Variants in PLD5 observed in about 807,000 individuals in gnomAD.
The protein encoded by PLD5 is inactive phospholipase D5.
In PLD5, 36 loss-of-function variants were observed where a neutral mutation model predicts 61.1. The ratio of observed to expected loss-of-function variants is 0.59; its 90% CI spans 0.45 to 0.78. The LOEUF (loss-of-function observed/expected upper bound fraction) is 0.78, where lower values mean the gene tolerates loss of function less well. Ranked by LOEUF, PLD5 falls within the 30% of genes least tolerant of loss-of-function variation. The pLI is 0.00. For synonymous variants in PLD5, 243 were observed against 242.8 expected (o/e 1.00, Z -0.01); for missense variants, 515 against 644.4 (o/e 0.80, Z 2.17).
intron 4 of PLD5, among the ~76,000 whole-genome samples, chr1:242,257,081 TATC>T (rs796963719): frequency 4.2e-4 from 63 of 150,744 alleles, no homozygotes; most frequent in African/African-American, 1.4e-3. Flanking sequence ...TCTATCTATC[TATC>T]ATTTATCTAT....
intron 5 of PLD5, among the ~76,000 whole-genome samples, chr1:242,202,924 A>AG (rs1669073560): frequency 6.6e-6 from 1 of 152,082 alleles, no homozygotes; most frequent in African/African-American, 2.4e-5. Context: ...CAGGTGTGAG[A>AG]GGGGGTCTTT....
At chr1:242,274,080 T>C (rs1417328904) in intron 3 of PLD5, among the ~76,000 whole-genome samples, 1 of 152,068 alleles carries the variant, frequency 6.6e-6, no homozygotes, top group Non-Finnish European at 1.5e-5. Flanking sequence ...CCACAGGAAA[T>C]GAATATACAA....
intron 5 of PLD5, among the ~76,000 whole-genome samples, chr1:242,198,096 G>GAATC (rs1412512596): frequency 6.6e-6 from 1 of 152,036 alleles, no homozygotes; most frequent in African/African-American, 2.4e-5. Flanking sequence ...ATGAATGAAT[G>GAATC]AATGAATAAA....
intron 4 of PLD5, among the ~76,000 whole-genome samples, chr1:242,222,115 T>C (rs1224330411): frequency 1.3e-5 from 2 of 152,084 alleles, no homozygotes; most frequent in Non-Finnish European, 2.9e-5. Flanking sequence ...TGTTGTCCCA[T>C]GGCATCTTCT....
chr1:242,455,766 T>G (rs1408281916), intron 1 of PLD5, among the ~76,000 whole-genome samples: 1 of 152,206 alleles, frequency 6.6e-6, no homozygotes, highest in Non-Finnish European at 1.5e-5. Flanking sequence ...GTGTAAGGTG[T>G]CTTAAAGTCA....
chr1:242,356,159 G>T (rs1660739913), intron 1 of PLD5, among the ~76,000 whole-genome samples: 1 of 44,500 alleles, frequency 2.2e-5, no homozygotes, highest in Admixed American at 2.7e-4. Flanking sequence ...ATCCAATATT[G>T]AAAGTGATTA....
chr1:242,297,576 T>C (rs1369119424), intron 2 of PLD5, among the ~76,000 whole-genome samples: 1 of 150,432 alleles, frequency 6.6e-6, no homozygotes, highest in Non-Finnish European at 1.5e-5. Context: ...CAGCTAACCA[T>C]CACTTTTATA....
intron 5 of PLD5, among the ~76,000 whole-genome samples, chr1:242,157,258 C>A (rs1325025984): frequency 1.3e-5 from 2 of 152,102 alleles, no homozygotes; most frequent in African/African-American, 4.8e-5. Context: ...TTCGTCTAAC[C>A]TTTTCTCAAG....
intron 4 of PLD5, among the ~76,000 whole-genome samples, chr1:242,239,131 T>C (rs575531915): frequency 1.8e-4 from 28 of 152,340 alleles, no homozygotes; most frequent in Non-Finnish European, 3.4e-4. Flanking sequence ...ATTTCTCCCG[T>C]TGGGTTATAA....
At chr1:242,529,842 CTCCT>C in the PLD5 span, among the ~76,000 whole-genome samples, 1,461 of 140,722 alleles carry the variant, frequency 0.01, 27 homozygotes, top group African/African-American at 0.038. Flanking sequence ...CTCTCCCTCC[CTCCT>C]TCCTTCCTTC....
intron 3 of PLD5, among the ~76,000 whole-genome samples, chr1:242,270,993 G>A (rs2149111835): frequency 6.6e-6 from 1 of 152,222 alleles, no homozygotes; most frequent in South Asian, 2.1e-4. Context: ...TCCTGGAGAA[G>A]ATGGAAGTTA....
chr1:242,184,176 A>G (rs1667722955), intron 5 of PLD5, among the ~76,000 whole-genome samples: 1 of 152,130 alleles, frequency 6.6e-6, no homozygotes, highest in Non-Finnish European at 1.5e-5. Flanking sequence ...GTTACAGCAA[A>G]CACCAAAATC....
chr1:242,414,542 G>A (rs1664721008), intron 1 of PLD5, among the ~76,000 whole-genome samples: 1 of 152,138 alleles, frequency 6.6e-6, no homozygotes, highest in Non-Finnish European at 1.5e-5. Flanking sequence ...TGAGGGAAAG[G>A]AAAGATTAGA....
intron 9 of PLD5, 118 bp downstream of exon 9, chr1:242,100,550 T>C: frequency 2.9e-6 from 2 of 700,436 alleles, no homozygotes; most frequent in Non-Finnish European, 5.0e-6. Context: ...TTTCCCCTCA[T>C]TCACCAGCAG....
intron 9 of PLD5, among the ~76,000 whole-genome samples, chr1:242,097,110 C>T (rs895023390): frequency 3.7e-4 from 56 of 152,252 alleles, no homozygotes; most frequent in Non-Finnish European, 4.9e-4. Context: ...TAGCATTCCA[C>T]GGTGTATATG....
intron 6 of PLD5, among the ~76,000 whole-genome samples, chr1:242,122,553 T>G (rs1662466092): frequency 6.6e-6 from 1 of 152,202 alleles, no homozygotes; most frequent in South Asian, 2.1e-4. Context: ...ATCCACAAAT[T>G]AGGAATACTC....
At chr1:242,116,073 A>C (rs1476132099) in intron 6 of PLD5, among the ~76,000 whole-genome samples, 4 of 148,814 alleles carry the variant, frequency 2.7e-5, no homozygotes, top group African/African-American at 9.9e-5. Context: ...ATGCCAGGGC[A>C]TTATAATGGG....
intron 1 of PLD5, among the ~76,000 whole-genome samples, chr1:242,447,283 G>A (rs1161459864): frequency 6.6e-6 from 1 of 152,222 alleles, no homozygotes; most frequent in Non-Finnish European, 1.5e-5. Flanking sequence ...CATCTAGCAA[G>A]TTCTGACACG....
chr1:242,253,100 C>A (rs1377034360), intron 4 of PLD5, among the ~76,000 whole-genome samples: 2 of 147,398 alleles, frequency 1.4e-5, no homozygotes, highest in Non-Finnish European at 3.0e-5. Flanking sequence ...CAGGCGTGAG[C>A]CACCGTGTAT....
Sources: allele counts gnomAD v4.1 joint callset (sites outside exome capture counted in the v4.1 genomes callset), GRCh38; gene constraint gnomAD v4.1.1; transcripts MANE v1.5; gene names NCBI Gene and HGNC (gene_info 2026-07-23, HGNC 2026-07-21).